The following RPS6KA2 variants were observed in gnomAD, a reference collection of about 807,000 sequenced individuals.
The protein encoded by RPS6KA2 is ribosomal protein S6 kinase A2.
Under a neutral mutation model 91.8 loss-of-function variants are expected in RPS6KA2, and 42 were observed. That is an observed-to-expected ratio of 0.46 (90% CI 0.36 to 0.59). The LOEUF is 0.59. Ranked by LOEUF, RPS6KA2 falls within the 20% of genes least tolerant of loss-of-function variation. RPS6KA2 has a pLI of 0.00. For synonymous variants in RPS6KA2, 414 were observed against 393.6 expected (o/e 1.05, Z -0.61); for missense variants, 798 against 978.5 (o/e 0.82, Z 2.46).
intron 1 of RPS6KA2, among the ~76,000 whole-genome samples, chr6:166,578,905 G>A (rs1351778650): frequency 2.0e-5 from 3 of 152,196 alleles, no homozygotes; most frequent in Non-Finnish European, 4.4e-5. Context: ...GCTTAGAAAC[G>A]CAGTTTATGA....
chr6:166,717,778 G>A (rs1790053650), intron 2 of RPS6KA2, among the ~76,000 whole-genome samples: 1 of 152,106 alleles, frequency 6.6e-6, no homozygotes, highest in Non-Finnish European at 1.5e-5. Context: ...TGTACTTGAG[G>A]CAAGCCCATT....
At chr6:166,620,804 T>C (rs1257995335) in intron 1 of RPS6KA2, among the ~76,000 whole-genome samples, 1 of 152,230 alleles carries the variant, frequency 6.6e-6, no homozygotes, top group Non-Finnish European at 1.5e-5. Flanking sequence ...GGGTTACCCC[T>C]ATTTTGTAGC....
rs1415565344 is a variant in RPS6KA2 at position 166,434,662 on chromosome 6, C to G, written c.1333-2172G>C. The stretch of plus-strand genomic sequence containing the variant: ...AAAAGAATTCAGTAGAAGATTTTTT[C>G]GCAAATATGATTTCATGATAAAGGG... On this transcript the variant is annotated intron_variant, in intron 14 of 20. Transcript: ENST00000265678. The surrounding 1 kb of genome is among the most constrained non-coding windows in gnomAD (Gnocchi z 4.4). 6.6e-6 allele frequency among the ~76,000 whole-genome samples: 1 copy of G among 152,010 alleles called. No individual in the cohort carries two copies. The highest frequency in any genetic ancestry group is 1.5e-5 in the Non-Finnish European group (1 of 67,994).
intron 2 of RPS6KA2, among the ~76,000 whole-genome samples, chr6:166,650,940 CT>C (rs1196577488): frequency 6.6e-6 from 1 of 152,140 alleles, no homozygotes; most frequent in Non-Finnish European, 1.5e-5. Context: ...GAATAGATCA[CT>C]TTTTAAAATT....
intron 13 of RPS6KA2, among the ~76,000 whole-genome samples, chr6:166,450,005 GGATGTCACCTAA>G (rs1779822653): frequency 4.1e-5 from 6 of 147,532 alleles, no homozygotes; most frequent in Non-Finnish European, 6.0e-5. Flanking sequence ...GAACCACCAT[GGATGTCACCTAA>G]GGGACCACCA....
chr6:166,683,589 A>C (rs114454706), intron 2 of RPS6KA2, among the ~76,000 whole-genome samples: 1 of 152,252 alleles, frequency 6.6e-6, no homozygotes, highest in African/African-American at 2.4e-5. Context: ...GTGTGACTCA[A>C]ATATTTCCTT....
intron 2 of RPS6KA2, among the ~76,000 whole-genome samples, chr6:166,773,406 GT>G (rs1778531605): frequency 6.6e-6 from 1 of 151,650 alleles, no homozygotes; most frequent in African/African-American, 2.4e-5. Flanking sequence ...GTTTTGTTTT[GT>G]TTTGTTGTTT....
At chr6:166,466,140 T>C (rs1378480895) in intron 11 of RPS6KA2, among the ~76,000 whole-genome samples, 1 of 152,222 alleles carries the variant, frequency 6.6e-6, no homozygotes, top group Non-Finnish European at 1.5e-5. Flanking sequence ...TCAGCTCTGA[T>C]TCTAGTCTGA....
At chr6:166,436,635 C>T (rs1191735055) in intron 14 of RPS6KA2, among the ~76,000 whole-genome samples, 3 of 152,240 alleles carry the variant, frequency 2.0e-5, no homozygotes, top group Admixed American at 1.3e-4. Context: ...TGCCCAGGAG[C>T]CAGAGGCATG....
chr6:166,416,622 C>T (rs1433564926), intron 19 of RPS6KA2, among the ~76,000 whole-genome samples: 1 of 151,896 alleles, frequency 6.6e-6, no homozygotes, highest in Non-Finnish European at 1.5e-5. Context: ...GTCATCCCTC[C>T]ACCATCAGCT....
rs1188958002 is a variant in RPS6KA2 at position 166,801,305 on chromosome 6, AAAAGAATCT to A, written c.123+56886_123+56894del. 2.6e-5 allele frequency among the ~76,000 whole-genome samples: 4 copies of A among 151,216 alleles called. No homozygotes were observed. The Admixed American group carries it at 2.7e-4, about 10-fold the overall frequency. On this transcript the variant is annotated intron_variant, in intron 2 of 21. Transcript: ENST00000503859. ...TAAAAGCGGAGGAGGTGGGGAGAGG[AAAAGAATCT>A]AAAGGAAAGGGAGGTTTATTTTATT... is the stretch of plus-strand genomic sequence containing the variant.
chr6:166,428,996 T>C (rs1257160900), intron 16 of RPS6KA2, among the ~76,000 whole-genome samples: 21 of 152,006 alleles, frequency 1.4e-4, no homozygotes, highest in Non-Finnish European at 1.0e-4. Flanking sequence ...CGTATGTTTA[T>C]TGTGGCACTA....
At position 166,441,451 on chromosome 6, in the gene RPS6KA2, C is replaced by T. The variant is rs193077990; in HGVS notation, c.1332+7273G>A. ...TGGACCTCTCTCTTCCCAGGTTTGG[C>T]CACAGTGGTTTGACTCAGCTGCACA... is the stretch of plus-strand genomic sequence containing the variant. On this transcript the variant is annotated intron_variant, in intron 14 of 20. Coordinates refer to ENST00000265678, the MANE Select transcript of RPS6KA2 (RefSeq NM_021135.6). Among the ~76,000 whole-genome samples the T allele has an allele frequency of 4.6e-5, 7 of 152,364 alleles. No individual in the cohort carries two copies. In the South Asian group the frequency reaches 8.3e-4, roughly 18 times the overall value.
At chr6:166,832,767 G>A (rs1054323352) in intron 2 of RPS6KA2, among the ~76,000 whole-genome samples, 7 of 152,132 alleles carry the variant, frequency 4.6e-5, no homozygotes, top group African/African-American at 7.2e-5. Context: ...CAGAATTAGC[G>A]AAGATCATGA....
intron 2 of RPS6KA2, among the ~76,000 whole-genome samples, chr6:166,680,652 G>C (rs1429364986): frequency 1.3e-5 from 2 of 152,188 alleles, no homozygotes; most frequent in Non-Finnish European, 2.9e-5. Flanking sequence ...AACACTCACT[G>C]TGAAGGTTTG....
At chr6:166,454,174 C>T (rs1322946225) in intron 12 of RPS6KA2, among the ~76,000 whole-genome samples, 1 of 152,188 alleles carries the variant, frequency 6.6e-6, no homozygotes, top group African/African-American at 2.4e-5. Context: ...ATGAACAAAA[C>T]TACATCTGTA....
At chr6:166,781,852 C>T (rs1385757255) in intron 2 of RPS6KA2, among the ~76,000 whole-genome samples, 1 of 152,200 alleles carries the variant, frequency 6.6e-6, no homozygotes, top group East Asian at 1.9e-4. Flanking sequence ...AGTGTCCCAA[C>T]CACCAGTGTC....
chr6:166,769,852 C>T (rs530672162), intron 2 of RPS6KA2, among the ~76,000 whole-genome samples: 115 of 152,340 alleles, frequency 7.5e-4, no homozygotes, highest in African/African-American at 2.6e-3. Flanking sequence ...AGTGCCCTCC[C>T]TGGGCAGCTC....
chr6:166,578,062 T>C (rs928661579), intron 1 of RPS6KA2, among the ~76,000 whole-genome samples: 2 of 152,214 alleles, frequency 1.3e-5, no homozygotes, highest in South Asian at 2.1e-4. Flanking sequence ...TTTTGCCTCC[T>C]GCCATGATTC....
Sources: allele counts gnomAD v4.1 joint callset (sites outside exome capture counted in the v4.1 genomes callset), GRCh38; gene constraint gnomAD v4.1.1; non-coding constraint Gnocchi (gnomAD v3.1); transcripts MANE v1.5; gene names NCBI Gene and HGNC (gene_info 2026-07-23, HGNC 2026-07-21).